ATP8A2: variants seen among roughly 807,000 people sequenced by gnomAD.
The protein encoded by ATP8A2 is ATPase phospholipid transporting 8A2.
ATP8A2 carries 100 observed loss-of-function variants against 165.6 expected under a neutral mutation model. The observed-to-expected ratio is 0.60, with a 90% CI of 0.51 to 0.71. The LOEUF is 0.71. ATP8A2 is among the 30% of genes least tolerant of loss of function. The pLI, the probability that ATP8A2 is intolerant of heterozygous loss-of-function variation, is 0.00. For missense variants in ATP8A2, 1,227 were observed against 1,479.5 expected (o/e 0.83, Z 2.80); for synonymous variants, 543 against 548.8 (o/e 0.99, Z 0.15).
chr13:25,699,414 A>T (rs2042905456), intron 25 of ATP8A2, 69 bp downstream of exon 25: 3 of 1,202,128 alleles, frequency 2.5e-6, no homozygotes, highest in Non-Finnish European at 3.4e-6. Context: ...TACAAAAGAA[A>T]GGGATGCATG....
chr13:25,422,216 G>A (rs895504529), intron 1 of ATP8A2, among the ~76,000 whole-genome samples: 8 of 152,124 alleles, frequency 5.3e-5, no homozygotes, highest in African/African-American at 1.9e-4. Context: ...TAAGGACTTA[G>A]TAAATACATA....
intron 33 of ATP8A2, among the ~76,000 whole-genome samples, chr13:25,878,922 G>A (rs1330468433): frequency 1.3e-5 from 2 of 152,134 alleles, no homozygotes; most frequent in African/African-American, 2.4e-5. Context: ...GCAGGGTCAT[G>A]AGTGTTCACT....
chr13:25,453,085 C>T (rs1593327975), intron 1 of ATP8A2, among the ~76,000 whole-genome samples: 1 of 151,908 alleles, frequency 6.6e-6, no homozygotes, highest in African/African-American at 2.4e-5. Flanking sequence ...CAGAGTGAGA[C>T]TCCGTCTTTA....
intron 1 of ATP8A2, among the ~76,000 whole-genome samples, chr13:25,378,644 T>C (rs1396476364): frequency 6.6e-6 from 1 of 152,220 alleles, no homozygotes; most frequent in Non-Finnish European, 1.5e-5. Flanking sequence ...TTTTAGCATC[T>C]GTTCCATATA....
At chr13:25,806,345 C>T (rs559278911) in intron 27 of ATP8A2, among the ~76,000 whole-genome samples, 2 of 152,088 alleles carry the variant, frequency 1.3e-5, no homozygotes, top group Middle Eastern at 3.4e-3. Flanking sequence ...TTTTTTGGCC[C>T]TCTGGCTTCA....
At chr13:25,982,110 T>C (rs1956180543) in intron 35 of ATP8A2, among the ~76,000 whole-genome samples, 1 of 152,224 alleles carries the variant, frequency 6.6e-6, no homozygotes, top group Middle Eastern at 3.2e-3. Context: ...TGGTTTTGTT[T>C]CTCAAAGCAT....
chr13:25,913,427 C>T (rs186962498), intron 33 of ATP8A2, among the ~76,000 whole-genome samples: 43 of 152,280 alleles, frequency 2.8e-4, no homozygotes, highest in Non-Finnish European at 5.3e-4. Context: ...AAATTATTTT[C>T]CTTTCATAAA....
At chr13:25,408,913 A>G (rs1389001185) in intron 1 of ATP8A2, among the ~76,000 whole-genome samples, 1 of 152,260 alleles carries the variant, frequency 6.6e-6, no homozygotes, top group Non-Finnish European at 1.5e-5. Flanking sequence ...GCTTTCTGCA[A>G]ACATGCAAAG....
intron 1 of ATP8A2, among the ~76,000 whole-genome samples, chr13:25,425,270 C>T (rs941880159): frequency 1.6e-4 from 25 of 152,076 alleles, no homozygotes; most frequent in African/African-American, 6.0e-4. Flanking sequence ...TTTTACAGTG[C>T]CTCCAACTAC....
chr13:25,382,221 G>A (rs2032864209), intron 1 of ATP8A2, among the ~76,000 whole-genome samples: 1 of 152,132 alleles, frequency 6.6e-6, no homozygotes, highest in Non-Finnish European at 1.5e-5. Flanking sequence ...CTTTTACTTA[G>A]CAATATGCAT....
At chr13:25,497,814 T>C (rs28627716) in intron 2 of ATP8A2, among the ~76,000 whole-genome samples, 8,971 of 151,796 alleles carry the variant, frequency 0.059, 338 homozygotes, top group South Asian at 0.13. Flanking sequence ...TAAAAAAAAT[T>C]AGCTGGGTGT....
intron 4 of ATP8A2, 29 bp downstream of exon 4, chr13:25,530,689 C>T: frequency 7.7e-7 from 1 of 1,293,106 alleles, no homozygotes; most frequent in Non-Finnish European, 1.1e-6. Context: ...ATAATAAAAT[C>T]ATTGTATGCA....
chr13:25,875,951 G>A lies in ATP8A2; in HGVS notation c.3183+13543G>A, dbSNP rs144681399. Among the ~76,000 whole-genome samples, 458 of 152,328 alleles carry A rather than the reference G, an allele frequency of 3.0e-3. 2 individuals carry two copies. Among genetic ancestry groups the A allele is most frequent in the African/African-American group, 0.011 (442 of 41,576 alleles). On this transcript the variant is annotated intron_variant, in intron 33 of 36. Transcript: ENST00000381655. Reference sequence around the variant, plus strand: ...TGAGGAAGACAGTGGGCCACAGATGGCACTAGCAGAAGTTTATGTACCCTA... The same window carrying A: ...TGAGGAAGACAGTGGGCCACAGATGACACTAGCAGAAGTTTATGTACCCTA...
chr13:25,810,455 C>G (rs1292211450), intron 27 of ATP8A2, among the ~76,000 whole-genome samples: 1 of 151,226 alleles, frequency 6.6e-6, no homozygotes, highest in Non-Finnish European at 1.5e-5. Context: ...AGCAAATATG[C>G]AGTCTGTTAT....
At chr13:25,882,211 G>A (rs1026852451) in intron 33 of ATP8A2, among the ~76,000 whole-genome samples, 1 of 152,084 alleles carries the variant, frequency 6.6e-6, no homozygotes, top group African/African-American at 2.4e-5. Context: ...CGGAAAAGAT[G>A]GTATTATCAT....
At chr13:25,614,008 G>A (rs1055949827) in intron 24 of ATP8A2, among the ~76,000 whole-genome samples, 2 of 152,188 alleles carry the variant, frequency 1.3e-5, no homozygotes, top group African/African-American at 4.8e-5. Context: ...TGATGACTGT[G>A]TACCTAGGCG....
chr13:25,604,907 C>A (rs893156695), intron 24 of ATP8A2, among the ~76,000 whole-genome samples: 2 of 152,120 alleles, frequency 1.3e-5, no homozygotes, highest in Non-Finnish European at 1.5e-5. Flanking sequence ...TCTTGAAAGC[C>A]CCAACTCACA....
chr13:25,484,812 C>T (rs930630895), intron 2 of ATP8A2, among the ~76,000 whole-genome samples: 1 of 152,130 alleles, frequency 6.6e-6, no homozygotes, highest in African/African-American at 2.4e-5. Context: ...CGACCGCAAC[C>T]GGCAGGAATA....
rs1469421562 is a variant in ATP8A2 at position 25,968,577 on chromosome 13, C to T, written c.3275C>T (p.Ala1092Val). 1.2e-6 allele frequency: 2 copies of T among 1,613,156 alleles called. No individual in the cohort carries two copies. Among genetic ancestry groups the T allele is most frequent in the Non-Finnish European group, 1.7e-6 (2 of 1,179,728 alleles). The change falls in exon 35 of 37, where the codon GCC (alanine) becomes GTC (valine). Residue 1092 changes from alanine to valine, a missense_variant and splice_region_variant. Ala to Val is a moderately conservative substitution (Grantham distance 64). Coordinates refer to ENST00000381655, the MANE Select transcript of ATP8A2 (RefSeq NM_016529.6). ...CLIEDVAWRAAKHTCKKTLLE... is the reference protein window; with the variant it reads ...CLIEDVAWRAVKHTCKKTLLE... The stretch of plus-strand genomic sequence containing the variant: ...TTTGTCTTTTCCTCATAACACAGAG[C>T]CAAGCACACCTGCAAAAAGACATTG...
Sources: gnomAD v4.1 joint callset for allele counts (sites outside exome capture counted in the v4.1 genomes callset) on GRCh38, gnomAD v4.1.1 for gene constraint, MANE v1.5 for transcripts, NCBI Gene and HGNC (gene_info 2026-07-23, HGNC 2026-07-21) for gene names.